The following KLF12 variants were observed in gnomAD, a reference collection of about 807,000 sequenced individuals.
KLF12 encodes KLF transcription factor 12.
In KLF12, 9 loss-of-function variants were observed where a neutral mutation model predicts 37.8. That is an observed-to-expected ratio of 0.24 (90% CI 0.14 to 0.42). The LOEUF (loss-of-function observed/expected upper bound fraction) is 0.42. Ranked by LOEUF, KLF12 falls within the 10% of genes least tolerant of loss-of-function variation. The pLI, the probability that KLF12 is intolerant of heterozygous loss-of-function variation, is 1.00. For synonymous variants in KLF12, 208 were observed against 202.1 expected (o/e 1.03, Z -0.25); for missense variants, 411 against 516.0 (o/e 0.80, Z 1.97).
intron 4 of KLF12, among the ~76,000 whole-genome samples, chr13:73,822,105 C>T (rs147427310): frequency 6.6e-6 from 1 of 152,138 alleles, no homozygotes; most frequent in African/African-American, 2.4e-5. Flanking sequence ...CACAGTAATT[C>T]CCAGCTGATG....
intron 5 of KLF12, among the ~76,000 whole-genome samples, chr13:73,799,541 C>G (rs959157870): frequency 6.6e-6 from 1 of 152,078 alleles, no homozygotes; most frequent in African/African-American, 2.4e-5. Context: ...ACTGGCTACT[C>G]TCTCATTATA....
chr13:73,756,295 A>G (rs992480973), intron 6 of KLF12, among the ~76,000 whole-genome samples: 6 of 152,180 alleles, frequency 3.9e-5, no homozygotes, highest in African/African-American at 1.2e-4. Flanking sequence ...TGCCTATCGT[A>G]TATGTGATAT....
intron 6 of KLF12, among the ~76,000 whole-genome samples, chr13:73,735,931 T>C (rs1222037190): frequency 6.6e-6 from 1 of 150,532 alleles, no homozygotes; most frequent in Admixed American, 6.6e-5. Flanking sequence ...TTGCCCTGTA[T>C]GCACTGATTT....
chr13:74,203,173 G>T, the KLF12 span, among the ~76,000 whole-genome samples: 2 of 152,030 alleles, frequency 1.3e-5, no homozygotes, highest in East Asian at 1.9e-4. Context: ...AATGTGTGGG[G>T]CATCTAAGAG....
chr13:73,747,586 A>C (rs1878458558), intron 6 of KLF12, among the ~76,000 whole-genome samples: 1 of 152,198 alleles, frequency 6.6e-6, no homozygotes, highest in African/African-American at 2.4e-5. Flanking sequence ...CTGTACATAA[A>C]TGAGTCTTGC....
At chr13:74,270,124 G>A in the KLF12 span, among the ~76,000 whole-genome samples, 1 of 152,122 alleles carries the variant, frequency 6.6e-6, no homozygotes, top group African/African-American at 2.4e-5. Context: ...GCTTACTAGG[G>A]GGAGCCTCTA....
intron 5 of KLF12, among the ~76,000 whole-genome samples, chr13:73,787,880 G>A (rs1881452204): frequency 6.9e-6 from 1 of 145,544 alleles, no homozygotes; most frequent in African/African-American, 2.4e-5. Flanking sequence ...AAAATTTCTA[G>A]TTTGCAGGAG....
intron 1 of KLF12, among the ~76,000 whole-genome samples, chr13:74,101,677 C>T (rs1170485348): frequency 6.6e-6 from 1 of 152,104 alleles, no homozygotes; most frequent in Admixed American, 6.5e-5. Context: ...GACACAAGAG[C>T]CACCGTGGCT....
intron 4 of KLF12, among the ~76,000 whole-genome samples, chr13:73,843,671 T>TA (rs1884867267): frequency 6.6e-6 from 1 of 152,182 alleles, no homozygotes; most frequent in Non-Finnish European, 1.5e-5. Flanking sequence ...ATCCCTATTT[T>TA]ATCACTAATA....
chr13:73,719,580 C>T (rs577892682), intron 6 of KLF12, among the ~76,000 whole-genome samples: 13 of 151,878 alleles, frequency 8.6e-5, no homozygotes, highest in African/African-American at 3.1e-4. Flanking sequence ...CTCAATTCCA[C>T]ACTCCTACGC....
At chr13:74,161,515 A>C in the KLF12 span, among the ~76,000 whole-genome samples, 4 of 152,148 alleles carry the variant, frequency 2.6e-5, no homozygotes, top group East Asian at 7.7e-4. Flanking sequence ...GCCAGAAGCC[A>C]CCGGAAACTG....
At chr13:74,171,143 C>T in the KLF12 span, among the ~76,000 whole-genome samples, 2 of 152,168 alleles carry the variant, frequency 1.3e-5, no homozygotes, top group Non-Finnish European at 2.9e-5. Flanking sequence ...GCCTTCAAAC[C>T]AGGTCTCCTG....
chr13:74,191,152 T>C, the KLF12 span, among the ~76,000 whole-genome samples: 1 of 152,232 alleles, frequency 6.6e-6, no homozygotes, highest in African/African-American at 2.4e-5. Context: ...ACTCTCTCTC[T>C]AATGAATTCC....
At position 73,796,116 on chromosome 13, in the gene KLF12, G is replaced by A. The variant is rs1029092852; in HGVS notation, c.806+17036C>T. Among the ~76,000 whole-genome samples, 9 of 152,040 alleles carry A rather than the reference G, an allele frequency of 5.9e-5. No individual in the cohort carries two copies. The East Asian group carries it at 1.5e-3, about 26-fold the overall frequency. Reference sequence around the variant, plus strand: ...TTGTAATTAGGGAGTCTTCTCAAACGCAATTATTGGAGGAACTGTCTAAAA... The same window carrying A: ...TTGTAATTAGGGAGTCTTCTCAAACACAATTATTGGAGGAACTGTCTAAAA... On this transcript the variant is annotated intron_variant, in intron 5 of 7. Coordinates refer to ENST00000377669, the MANE Select transcript of KLF12 (RefSeq NM_007249.5).
At chr13:73,938,304 G>A (rs936397384) in intron 3 of KLF12, among the ~76,000 whole-genome samples, 1 of 152,076 alleles carries the variant, frequency 6.6e-6, no homozygotes, top group African/African-American at 2.4e-5. Context: ...GCTAATTGTT[G>A]GGTTTTTTCC....
At chr13:73,926,287 C>T (rs891371784) in intron 3 of KLF12, among the ~76,000 whole-genome samples, 3 of 152,186 alleles carry the variant, frequency 2.0e-5, no homozygotes, top group African/African-American at 7.2e-5. Flanking sequence ...GCAACCACCA[C>T]CTTGATCAGT....
intron 2 of KLF12, among the ~76,000 whole-genome samples, chr13:73,956,965 A>G (rs1372631609): frequency 6.7e-6 from 1 of 150,100 alleles, no homozygotes; most frequent in Non-Finnish European, 1.5e-5. Context: ...GAAAAAAGGG[A>G]AAGGAAAGGA....
chr13:74,279,628 G>A, the KLF12 span, among the ~76,000 whole-genome samples: 4 of 151,888 alleles, frequency 2.6e-5, no homozygotes, highest in South Asian at 2.1e-4. Flanking sequence ...CACAGTAATG[G>A]GAACATCAGT....
intron 1 of KLF12, among the ~76,000 whole-genome samples, chr13:74,117,307 A>G (rs1362496071): frequency 1.3e-5 from 2 of 152,198 alleles, no homozygotes; most frequent in African/African-American, 4.8e-5. Context: ...GAAAGTTAAC[A>G]AAGTATTCAA....
Sources: gnomAD v4.1 joint callset for allele counts (sites outside exome capture counted in the v4.1 genomes callset) on GRCh38, gnomAD v4.1.1 for gene constraint, MANE v1.5 for transcripts, NCBI Gene and HGNC (gene_info 2026-07-23, HGNC 2026-07-21) for gene names.